The following PRKCB variants were observed in gnomAD, a reference collection of about 807,000 sequenced individuals.
PRKCB encodes the protein protein kinase C beta type.
Under a neutral mutation model 81.5 loss-of-function variants are expected in PRKCB, and 13 were observed. That is an observed-to-expected ratio of 0.16 (90% confidence interval 0.10 to 0.25). The LOEUF is 0.25. Ranked by LOEUF, PRKCB falls within the 10% of genes least tolerant of loss-of-function variation. The probability of loss-of-function intolerance (pLI) is 1.00; values close to 1 mark genes in which losing one functional copy is unlikely to be tolerated. For synonymous variants in PRKCB, 335 were observed against 321.4 expected (o/e 1.04, Z -0.45); for missense variants, 509 against 875.7 (o/e 0.58, Z 5.29).
At chr16:24,131,438 A>C (rs1647480215) in intron 9 of PRKCB, among the ~76,000 whole-genome samples, 1 of 152,238 alleles carries the variant, frequency 6.6e-6, no homozygotes, top group Admixed American at 6.5e-5. Flanking sequence ...GAAACTTGGC[A>C]TTTGTGTGAC....
chr16:23,963,462 C>G (rs1315966219), intron 2 of PRKCB: 1 of 152,304 alleles, frequency 6.6e-6, no homozygotes, highest in Admixed American at 6.5e-5. Context: ...AAGAATGGAA[C>G]CTGAAACATA....
intron 9 of PRKCB, among the ~76,000 whole-genome samples, chr16:24,129,830 C>T (rs1480066916): frequency 6.6e-6 from 1 of 152,122 alleles, no homozygotes; most frequent in Non-Finnish European, 1.5e-5. Flanking sequence ...TAGACCAATT[C>T]CTTTTATGTA....
rs1194506757 is a variant in PRKCB at position 23,847,458 on chromosome 16, AT to A, written c.205+10053del. On this transcript the variant is annotated intron_variant, in intron 2 of 16. Coordinates refer to ENST00000643927, the MANE Select transcript of PRKCB (RefSeq NM_002738.7). ...TGTCCATCCATCCATCCATCCATCC[AT>A]CCATCCATCCATCCATCCACCCAGC... Among the ~76,000 whole-genome samples, 44 of 149,108 alleles carry A rather than the reference AT, an allele frequency of 3.0e-4. No individual in the cohort carries two copies. The Middle Eastern group carries it at 0.014, about 47-fold the overall frequency.
chr16:24,132,922 A>G (rs1328257434), intron 9 of PRKCB, among the ~76,000 whole-genome samples: 1 of 152,168 alleles, frequency 6.6e-6, no homozygotes, highest in African/African-American at 2.4e-5. Flanking sequence ...CTGGCATTAC[A>G]GGCATGAGCC....
chr16:24,124,165 G>A (rs542202519), intron 9 of PRKCB, among the ~76,000 whole-genome samples, 184 bp downstream of exon 9: 4 of 152,288 alleles, frequency 2.6e-5, no homozygotes, highest in Admixed American at 2.0e-4. Context: ...CAAACAAAAA[G>A]GCGACCCTTT....
Position 24,021,115 on chromosome 16 carries a change from C to CTTTCTTTCTTTCTTTTTT in PRKCB, c.289-11020_289-11019insTTCTTTCTTTCTTTTTTT, listed in dbSNP as rs1375631928. Among the ~76,000 whole-genome samples the CTTTCTTTCTTTCTTTTTT allele has an allele frequency of 1.1e-4, 10 of 93,940 alleles. No homozygotes were observed. In the South Asian group the frequency reaches 1.1e-3, roughly 10 times the overall value. The allele number at this position is 93,940 out of a possible 152,430, so 61.6% of individuals were successfully genotyped here. A position where few individuals can be genotyped will look rare whatever the true frequency, so the allele number is the denominator to read the frequency against. ...TTTTTCTTTCTTTCTTTCCTTCTCTCTCTTTCTTTCTTTCCTTCCTTCCTT... is the reference window on the plus strand; with the variant it reads ...TTTTTCTTTCTTTCTTTCCTTCTCTCTTTCTTTCTTTCTTTTTTTCTTTCTTTCTTTCCTTCCTTCCTT... On this transcript the variant is annotated intron_variant, in intron 3 of 16. Coordinates refer to ENST00000643927, the MANE Select transcript of PRKCB (RefSeq NM_002738.7).
chr16:24,143,519 C>A (rs1225134902), intron 9 of PRKCB, among the ~76,000 whole-genome samples: 5 of 152,126 alleles, frequency 3.3e-5, no homozygotes, highest in African/African-American at 1.2e-4. Flanking sequence ...CACAAGCCTG[C>A]TCCCTAGCAG....
chr16:24,217,706 T>C lies in PRKCB; in HGVS notation c.*2890T>C. 1.0e-6 allele frequency: 1 copy of C among 985,410 alleles called. No homozygotes were observed. The highest frequency in any genetic ancestry group is 1.2e-6 in the Non-Finnish European group (1 of 829,972). The allele number at this position is 985,410 out of a possible 1,614,324, so 61.0% of individuals were successfully genotyped here. On this transcript the variant is annotated 3_prime_UTR_variant, in exon 17 of 17. Coordinates refer to ENST00000643927, the MANE Select transcript of PRKCB (RefSeq NM_002738.7). ...CAAGGTGGGGCTGGTCAGAAGGGAA[T>C]CTTTGATAAGAGGCCCACAGGCAGG...
At chr16:24,092,987 T>C in intron 6 of PRKCB, 40 bp downstream of exon 6, 1 of 1,591,994 alleles carries the variant, frequency 6.3e-7, no homozygotes, top group Non-Finnish European at 8.6e-7. Flanking sequence ...GTGGTGGAGG[T>C]TGGGTTATGT....
chr16:24,085,340 C>T (rs1567369008), intron 5 of PRKCB, among the ~76,000 whole-genome samples: 2 of 152,222 alleles, frequency 1.3e-5, no homozygotes, highest in South Asian at 4.1e-4. Flanking sequence ...CTCCAAGATT[C>T]ATTTGTATGA....
chr16:24,087,549 T>G (rs1016205252), intron 5 of PRKCB, among the ~76,000 whole-genome samples: 1 of 152,320 alleles, frequency 6.6e-6, no homozygotes, highest in Middle Eastern at 3.4e-3. Flanking sequence ...TGAATTACTG[T>G]TTTGAGGACA....
At chr16:24,047,687 T>C (rs1965785207) in intron 5 of PRKCB, among the ~76,000 whole-genome samples, 1 of 152,146 alleles carries the variant, frequency 6.6e-6, no homozygotes, top group Admixed American at 6.5e-5. Flanking sequence ...CTATGAGACA[T>C]TGGAACATAA....
Position 24,217,908 on chromosome 16 carries a change from T to C in PRKCB, c.*3092T>C, listed in dbSNP as rs1289660513. 1 of 985,330 alleles carries C rather than the reference T, an allele frequency of 1.0e-6. No individual in the cohort carries two copies. The highest frequency in any genetic ancestry group is 1.2e-6 in the Non-Finnish European group (1 of 829,938). The allele number at this position is 985,330 out of a possible 1,614,324, so 61.0% of individuals were successfully genotyped here. ...GGTTCAAAAGGGACAGTGGCCCATT[T>C]GGGAGACCTTTAGGATCAATGGGAA... On this transcript the variant is annotated 3_prime_UTR_variant, in exon 17 of 17. Coordinates refer to ENST00000643927, the MANE Select transcript of PRKCB (RefSeq NM_002738.7).
chr16:23,843,106 C>A (rs1324057371), intron 2 of PRKCB, among the ~76,000 whole-genome samples: 2 of 151,010 alleles, frequency 1.3e-5, no homozygotes, highest in Non-Finnish European at 3.0e-5. Context: ...ATTAGCATAG[C>A]ATATGTGTAT....
At position 24,185,445 on chromosome 16, in the gene PRKCB, T is replaced by C. The variant is rs1055904230; in HGVS notation, c.1615-15T>C. ...AGCAGGGATTCTTCTCCTCCCACCC[T>C]CCCCTGTCATACAGGCACCCTTTGA... On this transcript the variant is annotated splice_polypyrimidine_tract_variant and intron_variant, in intron 14 of 16. Transcript: ENST00000643927. 4 of 1,608,014 alleles carry C rather than the reference T, an allele frequency of 2.5e-6. No homozygotes were observed. Among genetic ancestry groups the C allele is most frequent in the Non-Finnish European group, 3.4e-6 (4 of 1,174,760 alleles).
chr16:23,998,907 T>G (rs1275625272), intron 3 of PRKCB, among the ~76,000 whole-genome samples: 1 of 152,046 alleles, frequency 6.6e-6, no homozygotes, highest in Non-Finnish European at 1.5e-5. Context: ...AATGAAGGAG[T>G]GCAGCCATTC....
At chr16:24,126,301 A>G (rs958466987) in intron 9 of PRKCB, among the ~76,000 whole-genome samples, 2 of 152,372 alleles carry the variant, frequency 1.3e-5, no homozygotes, top group Non-Finnish European at 2.9e-5. Context: ...TGAGATTTCA[A>G]ACATGGAGCA....
intron 3 of PRKCB, among the ~76,000 whole-genome samples, chr16:24,023,497 T>C (rs930120054): frequency 2.6e-5 from 4 of 152,176 alleles, no homozygotes; most frequent in African/African-American, 9.6e-5. Context: ...GCCTCCTGAA[T>C]AGCTGGGACT....
At chr16:24,206,734 A>T (rs975158573) in intron 16 of PRKCB, among the ~76,000 whole-genome samples, 5 of 152,128 alleles carry the variant, frequency 3.3e-5, no homozygotes, top group African/African-American at 1.2e-4. Context: ...CCATGGTCCC[A>T]TGCAGTGGCC....
Sources: gnomAD v4.1 joint callset for allele counts (sites outside exome capture counted in the v4.1 genomes callset) on GRCh38, gnomAD v4.1.1 for gene constraint, MANE v1.5 for transcripts, NCBI Gene and HGNC (gene_info 2026-07-23, HGNC 2026-07-21) for gene names.